Variants in MAEL observed in about 807,000 individuals in gnomAD.
The protein encoded by MAEL is maelstrom spermatogenic transposon silencer.
A neutral mutation model predicts 62.0 loss-of-function variants in MAEL; 46 were observed. The observed-to-expected ratio is 0.74, with a 90% confidence interval of 0.59 to 0.95. MAEL has a LOEUF of 0.95. Among genes scored for constraint, MAEL ranks in the 40% least tolerant of loss-of-function variants. The probability of loss-of-function intolerance (pLI) is 0.00; values close to 1 mark genes in which losing one functional copy is unlikely to be tolerated. For synonymous variants in MAEL, 172 were observed against 175.5 expected (o/e 0.98, Z 0.16); for missense variants, 497 against 526.8 (o/e 0.94, Z 0.55).
chr1:167,005,441 C>A, intron 8 of MAEL, 44 bp downstream of exon 8: 2 of 1,535,004 alleles, frequency 1.3e-6, no homozygotes, highest in South Asian at 1.3e-5. Flanking sequence ...GACTTATTTT[C>A]TAGACTGAGA....
At chr1:167,001,814 C>G (rs549311932) in intron 5 of MAEL, among the ~76,000 whole-genome samples, 1 of 152,222 alleles carries the variant, frequency 6.6e-6, no homozygotes, top group African/African-American at 2.4e-5. Context: ...CAGAGTCTCA[C>G]TCCATCACCC....
intron 5 of MAEL, among the ~76,000 whole-genome samples, chr1:167,000,355 G>A (rs1255936593): frequency 6.6e-6 from 1 of 152,216 alleles, no homozygotes; most frequent in Admixed American, 6.5e-5. Flanking sequence ...CAAGACTTCA[G>A]TGGAAGAAGT....
chr1:166,991,732 A>G (rs934995576), intron 3 of MAEL, among the ~76,000 whole-genome samples: 4 of 151,754 alleles, frequency 2.6e-5, no homozygotes, highest in Non-Finnish European at 5.9e-5. Flanking sequence ...GGTATTTTTT[A>G]GACTTGTTTA....
chr1:167,006,825 G>A (rs927548553), intron 8 of MAEL, among the ~76,000 whole-genome samples: 4 of 151,386 alleles, frequency 2.6e-5, no homozygotes, highest in South Asian at 4.2e-4. Flanking sequence ...TAGTAGAGAT[G>A]TGGTTTCACC....
chr1:166,983,754 C>T (rs1341226738), intron 1 of MAEL, among the ~76,000 whole-genome samples: 1 of 151,954 alleles, frequency 6.6e-6, no homozygotes, highest in Non-Finnish European at 1.5e-5. Context: ...GTAATCCCAG[C>T]ACTTTGAGAG....
chr1:166,989,350 G>C lies in MAEL; in HGVS notation c.-3G>C. 1.9e-6 allele frequency: 3 copies of C among 1,608,930 alleles called. No individual in the cohort carries two copies. The highest frequency in any genetic ancestry group is 2.5e-6 in the Non-Finnish European group (3 of 1,177,880). ...TGAGGCCAGGAAGTTTGACCGCGCTGCCATGCCGAACCGTAAGGCCAGCCG... is the reference window on the plus strand; with the variant it reads ...TGAGGCCAGGAAGTTTGACCGCGCTCCCATGCCGAACCGTAAGGCCAGCCG... On this transcript the variant is annotated 5_prime_UTR_variant, in exon 1 of 12. Coordinates refer to ENST00000367872, the MANE Select transcript of MAEL (RefSeq NM_032858.3).
chr1:166,979,946 G>C (rs894252227), intron 1 of MAEL, among the ~76,000 whole-genome samples: 1 of 152,132 alleles, frequency 6.6e-6, no homozygotes, highest in Non-Finnish European at 1.5e-5. Flanking sequence ...AAGGGACAAA[G>C]GAAATAAATG....
chr1:166,998,483 A>G (rs1664520384), intron 5 of MAEL, among the ~76,000 whole-genome samples: 1 of 152,182 alleles, frequency 6.6e-6, no homozygotes, highest in African/African-American at 2.4e-5. Flanking sequence ...TTACTTAATC[A>G]TATCTGTTAA....
intron 8 of MAEL, among the ~76,000 whole-genome samples, chr1:167,011,112 A>G (rs150665343): frequency 3.3e-5 from 5 of 152,036 alleles, no homozygotes; most frequent in East Asian, 1.9e-4. Flanking sequence ...TTGAATATTT[A>G]CGTAAAGAAT....
In MAEL at chr1:167,006,204, A is replaced by G. The variant is rs1031139885; in HGVS notation, c.845+807A>G. The stretch of plus-strand genomic sequence containing the variant: ...ATTATCTAATCCGAAGACCATATTC[A>G]TATTGTATTAGTTATTCCACTGTGT... On this transcript the variant is annotated intron_variant, in intron 8 of 11. Transcript: ENST00000367872. The G allele has an allele frequency of 7.9e-5, 12 of 152,160 alleles. 1 individual carries two copies. The highest frequency in any genetic ancestry group is 2.9e-5 in the Non-Finnish European group (2 of 68,030). 9.4% of individuals were successfully genotyped at this position (152,160 alleles called of 1,614,324 possible). A position where few individuals can be genotyped will look rare whatever the true frequency, so the allele number is the denominator to read the frequency against.
At chr1:167,021,226 G>C (rs1665617700) in intron 11 of MAEL, 66 bp downstream of exon 11, 1 of 1,120,222 alleles carries the variant, frequency 8.9e-7, no homozygotes, top group Non-Finnish European at 1.3e-6. Context: ...AAGATCCCAG[G>C]TGTGGTATTT....
upstream of MAEL, among the ~76,000 whole-genome samples, chr1:166,985,613 C>G (rs958681315): frequency 1.3e-5 from 2 of 152,104 alleles, no homozygotes; most frequent in African/African-American, 4.8e-5. Context: ...TCTCAAATAA[C>G]AAAGCAGAAA....
chr1:166,989,323 T>C lies in MAEL; in HGVS notation c.-30T>C, dbSNP rs754437720. 3.7e-6 allele frequency: 6 copies of C among 1,602,586 alleles called. No individual in the cohort carries two copies. The highest frequency in any genetic ancestry group is 5.1e-6 in the Non-Finnish European group (6 of 1,174,838). On this transcript the variant is annotated 5_prime_UTR_variant, in exon 1 of 12. Coordinates refer to ENST00000367872, the MANE Select transcript of MAEL (RefSeq NM_032858.3). ...GCGAGGGCGCCGGTGCTTTGTTCTG[T>C]CTGAGGCCAGGAAGTTTGACCGCGC...
upstream of MAEL, chr1:166,989,130 G>C: frequency 1.7e-6 from 1 of 598,242 alleles, no homozygotes; most frequent in South Asian, 2.2e-5. Context: ...CACCTGCGAC[G>C]GCGCTCTCCC....
At chr1:166,982,046 G>A (rs1299841821) in intron 1 of MAEL, among the ~76,000 whole-genome samples, 1 of 152,154 alleles carries the variant, frequency 6.6e-6, no homozygotes, top group Non-Finnish European at 1.5e-5. Flanking sequence ...GGGGCAGCAC[G>A]AAGAGAATGC....
At chr1:166,982,374 T>A (rs1214240337) in intron 1 of MAEL, among the ~76,000 whole-genome samples, 1 of 152,216 alleles carries the variant, frequency 6.6e-6, no homozygotes, top group African/African-American at 2.4e-5. Context: ...TTCTGCAATA[T>A]GTGGATAATC....
chr1:166,983,082 T>A (rs896707690), intron 1 of MAEL, among the ~76,000 whole-genome samples: 14 of 152,238 alleles, frequency 9.2e-5, no homozygotes, highest in African/African-American at 3.4e-4. Flanking sequence ...AAAAAGATAT[T>A]CTGACATCTT....
chr1:167,005,372 A>G lies in MAEL; in HGVS notation c.820A>G (p.Met274Val), dbSNP rs1664849678. 1 of 1,611,576 alleles carries G rather than the reference A, an allele frequency of 6.2e-7. No individual in the cohort carries two copies. Among genetic ancestry groups the G allele is most frequent in the East Asian group, 2.2e-5 (1 of 44,858 alleles). ...GATTCGAAGCCTCCTAGATGTGGCCATGTGGGATTATTCTAGCAACACAAG... is the reference window on the plus strand; with the variant it reads ...GATTCGAAGCCTCCTAGATGTGGCCGTGTGGGATTATTCTAGCAACACAAG... ...TWIRSLLDVA[M>V]WDYSSNTRCK... is the part of the protein sequence containing the mutation. Residue 274 changes from methionine (M) to valine (V), a missense_variant, in exon 8 of 12, where the codon ATG becomes GTG. Transcript: ENST00000367872.
chr1:166,986,651 A>G (rs1663923123), upstream of MAEL, among the ~76,000 whole-genome samples: 2 of 152,252 alleles, frequency 1.3e-5, no homozygotes, highest in African/African-American at 2.4e-5. Flanking sequence ...ATAGTTATCA[A>G]TCCAGCTCAC....
Sources: gnomAD v4.1 joint callset for allele counts (sites outside exome capture counted in the v4.1 genomes callset) on GRCh38, gnomAD v4.1.1 for gene constraint, MANE v1.5 for transcripts, NCBI Gene and HGNC (gene_info 2026-07-23, HGNC 2026-07-21) for gene names.